Variants in STK39 observed in about 807,000 individuals in gnomAD.
The protein encoded by STK39 is serine/threonine kinase 39.
Under a neutral mutation model 77.8 loss-of-function variants are expected in STK39, and 20 were observed. The observed-to-expected ratio is 0.26, with a 90% CI of 0.18 to 0.37. The LOEUF is 0.37. Ranked by LOEUF, STK39 falls within the 10% of genes least tolerant of loss-of-function variation. The pLI is 1.00. For synonymous variants in STK39, 246 were observed against 234.1 expected (o/e 1.05, Z -0.47); for missense variants, 479 against 656.5 (o/e 0.73, Z 2.95).
chr2:168,036,094 T>A (rs1372155979), intron 14 of STK39, among the ~76,000 whole-genome samples: 1 of 152,196 alleles, frequency 6.6e-6, no homozygotes, highest in African/African-American at 2.4e-5. Flanking sequence ...TGCAGATTTC[T>A]TACATTAAGT....
chr2:168,246,398 T>A (rs1440075793), intron 1 of STK39, among the ~76,000 whole-genome samples: 1 of 152,216 alleles, frequency 6.6e-6, no homozygotes, highest in African/African-American at 2.4e-5. Flanking sequence ...AGGTGATATT[T>A]GTGAGCCGGC....
intron 1 of STK39, among the ~76,000 whole-genome samples, chr2:168,193,303 C>A (rs978915959): frequency 6.6e-6 from 1 of 152,158 alleles, no homozygotes; most frequent in Non-Finnish European, 1.5e-5. Context: ...CTTTCTTCCC[C>A]CCCCTCTTCA....
At chr2:168,181,117 T>A (rs1028873332) in intron 2 of STK39, among the ~76,000 whole-genome samples, 1 of 152,216 alleles carries the variant, frequency 6.6e-6, no homozygotes, top group Non-Finnish European at 1.5e-5. Flanking sequence ...TTGTAGCTTG[T>A]ATGGAGCTAC....
At chr2:168,240,252 G>T (rs1211323683) in intron 1 of STK39, among the ~76,000 whole-genome samples, 1 of 152,176 alleles carries the variant, frequency 6.6e-6, no homozygotes, top group Non-Finnish European at 1.5e-5. Context: ...ATTCCCAAAA[G>T]ACCTTAAACA....
At chr2:168,081,123 C>A (rs1574449327) in intron 10 of STK39, among the ~76,000 whole-genome samples, 2 of 152,234 alleles carry the variant, frequency 1.3e-5, no homozygotes, top group East Asian at 3.9e-4. Context: ...CCTAGTGGAG[C>A]TATGATAAGA....
intron 2 of STK39, among the ~76,000 whole-genome samples, chr2:168,169,307 C>T (rs4667565): frequency 6.6e-6 from 1 of 151,868 alleles, no homozygotes; most frequent in East Asian, 1.9e-4. Context: ...CTGCTCAGTG[C>T]GGGGATGGCC....
intron 16 of STK39, among the ~76,000 whole-genome samples, chr2:167,983,011 C>T (rs980719167): frequency 7.9e-5 from 12 of 152,110 alleles, no homozygotes; most frequent in Admixed American, 3.9e-4. Flanking sequence ...CAATATTGAG[C>T]GCAGTGTCTA....
At chr2:168,018,945 T>C (rs564392192) in intron 14 of STK39, among the ~76,000 whole-genome samples, 2 of 152,112 alleles carry the variant, frequency 1.3e-5, no homozygotes, top group South Asian at 2.1e-4. Flanking sequence ...CCAGCCCAAG[T>C]CTCACACCTT....
intron 1 of STK39, among the ~76,000 whole-genome samples, chr2:168,236,219 T>C (rs1690603075): frequency 6.6e-6 from 1 of 152,262 alleles, no homozygotes; most frequent in African/African-American, 2.4e-5. Context: ...TGATGAGCAT[T>C]TTTTCATGTG....
chr2:168,161,116 T>C (rs1688560399), intron 5 of STK39, among the ~76,000 whole-genome samples: 1 of 152,086 alleles, frequency 6.6e-6, no homozygotes, highest in Non-Finnish European at 1.5e-5. Context: ...CAAGAAACCA[T>C]GAAAGCTAAA....
chr2:168,095,629 T>TC (rs1203761310), intron 10 of STK39, among the ~76,000 whole-genome samples: 1 of 147,230 alleles, frequency 6.8e-6, no homozygotes. Flanking sequence ...CTTTCTTTTT[T>TC]TTTTTTTTTT....
chr2:168,036,734 C>T (rs955477559), intron 14 of STK39, among the ~76,000 whole-genome samples: 2 of 152,108 alleles, frequency 1.3e-5, no homozygotes, highest in Non-Finnish European at 2.9e-5. Context: ...AGTAAGGAAA[C>T]GTAGCAACAG....
chr2:168,205,984 C>T (rs574267200), intron 1 of STK39, among the ~76,000 whole-genome samples: 53 of 152,222 alleles, frequency 3.5e-4, no homozygotes, highest in African/African-American at 1.2e-3. Context: ...AGAAAAACAA[C>T]GAAATGTGTT....
intron 1 of STK39, among the ~76,000 whole-genome samples, chr2:168,214,475 G>A (rs1689975746): frequency 6.6e-6 from 1 of 152,046 alleles, no homozygotes; most frequent in Admixed American, 6.5e-5. Context: ...TGGTCGCCAG[G>A]GGCTGGGAGA....
At chr2:168,061,363 G>A (rs1447700684) in intron 14 of STK39, among the ~76,000 whole-genome samples, 4 of 151,778 alleles carry the variant, frequency 2.6e-5, no homozygotes, top group Non-Finnish European at 4.4e-5. Context: ...CACATAAAAA[G>A]AGTTACGAGA....
intron 10 of STK39, among the ~76,000 whole-genome samples, chr2:168,107,326 C>T (rs768990334): frequency 3.9e-5 from 6 of 152,300 alleles, no homozygotes; most frequent in Non-Finnish European, 7.3e-5. Context: ...TTCTGTAACA[C>T]ACCTTGATGC....
intron 10 of STK39, among the ~76,000 whole-genome samples, chr2:168,080,264 T>C (rs536382607): frequency 1.3e-5 from 2 of 152,284 alleles, no homozygotes; most frequent in South Asian, 4.2e-4. Flanking sequence ...TTGGGTGCTG[T>C]TAAAGGCATT....
chr2:168,217,208 GAGTCTGAATTCCTTAAGTCACAC>G (rs1244863568), intron 1 of STK39, among the ~76,000 whole-genome samples: 3 of 152,170 alleles, frequency 2.0e-5, no homozygotes, highest in Non-Finnish European at 1.5e-5. Flanking sequence ...AGAAAGTAAT[GAGTCTGAATTCCTTAAGTCACAC>G]AGGGAACATG....
intron 14 of STK39, among the ~76,000 whole-genome samples, chr2:168,020,829 C>G (rs1684552068): frequency 6.6e-6 from 1 of 152,048 alleles, no homozygotes; most frequent in Non-Finnish European, 1.5e-5. Context: ...TAATTCCATA[C>G]TGAAGGTACC....
Sources: allele counts gnomAD v4.1 joint callset (sites outside exome capture counted in the v4.1 genomes callset), GRCh38; gene constraint gnomAD v4.1.1; transcripts MANE v1.5; gene names NCBI Gene and HGNC (gene_info 2026-07-23, HGNC 2026-07-21).